The following GPC5 variants were observed in gnomAD, a reference collection of about 807,000 sequenced individuals.
GPC5 encodes the protein glypican-5.
A neutral mutation model predicts 53.9 loss-of-function variants in GPC5; 47 were observed. That is an observed-to-expected ratio of 0.87 (90% CI 0.69 to 1.11). The LOEUF (loss-of-function observed/expected upper bound fraction) is 1.11, where lower values mean the gene tolerates loss of function less well. GPC5 is among the 50% of genes most tolerant of loss of function. The pLI is 0.00. For missense variants in GPC5, 748 were observed against 713.1 expected (o/e 1.05, Z -0.56); for synonymous variants, 286 against 263.3 (o/e 1.09, Z -0.84).
intron 5 of GPC5, among the ~76,000 whole-genome samples, chr13:91,854,579 T>C (rs1417558472): frequency 1.3e-5 from 2 of 151,686 alleles, no homozygotes; most frequent in African/African-American, 4.8e-5. Flanking sequence ...CTAGTAACTA[T>C]CCTTCTATTC....
chr13:91,822,680 A>G (rs1164357984), intron 5 of GPC5, among the ~76,000 whole-genome samples: 2 of 152,050 alleles, frequency 1.3e-5, no homozygotes, highest in Admixed American at 6.5e-5. Context: ...CTCCCATGAC[A>G]CGTGGGGATT....
At chr13:92,525,600 A>G (rs1457676123) in intron 7 of GPC5, among the ~76,000 whole-genome samples, 22 of 151,994 alleles carry the variant, frequency 1.4e-4, no homozygotes, top group Admixed American at 1.4e-3. Context: ...CCTGGTTGAA[A>G]TCATAATAGA....
chr13:92,192,232 T>C (rs1369054475), intron 7 of GPC5, among the ~76,000 whole-genome samples: 1 of 152,166 alleles, frequency 6.6e-6, no homozygotes, highest in Non-Finnish European at 1.5e-5. Context: ...TGTCAATTGA[T>C]ACTTTGGATG....
chr13:91,645,322 C>A (rs1469217545), intron 2 of GPC5, among the ~76,000 whole-genome samples: 1 of 152,108 alleles, frequency 6.6e-6, no homozygotes, highest in Admixed American at 6.5e-5. Flanking sequence ...CCCGATTTTA[C>A]CTTTGAATTT....
chr13:92,000,258 A>G (rs565811503), intron 6 of GPC5, among the ~76,000 whole-genome samples: 2 of 124,642 alleles, frequency 1.6e-5, no homozygotes, highest in Non-Finnish European at 3.7e-5. Context: ...CATGGTGTGC[A>G]TATTTTTTTT....
intron 7 of GPC5, among the ~76,000 whole-genome samples, chr13:92,646,697 T>C (rs1399743497): frequency 2.0e-5 from 3 of 152,086 alleles, no homozygotes; most frequent in Admixed American, 1.3e-4. Flanking sequence ...TTGACTTTTT[T>C]ATCAATGATT....
intron 2 of GPC5, among the ~76,000 whole-genome samples, chr13:91,539,669 G>T (rs1259411108): frequency 1.3e-5 from 2 of 152,058 alleles, no homozygotes; most frequent in Non-Finnish European, 2.9e-5. Context: ...AAGAAGGTGG[G>T]CCTAGAGGAT....
intron 7 of GPC5, among the ~76,000 whole-genome samples, chr13:92,460,424 C>T (rs1213860530): frequency 1.3e-5 from 2 of 152,040 alleles, no homozygotes; most frequent in Admixed American, 6.6e-5. Flanking sequence ...TCCTTTCTTA[C>T]TTTCTTTTTT....
chr13:92,586,686 G>A, intron 7 of GPC5, among the ~76,000 whole-genome samples: 1 of 152,152 alleles, frequency 6.6e-6, no homozygotes, highest in East Asian at 1.9e-4. Context: ...GTGCCAAATA[G>A]ATGGTTGTGA....
At chr13:92,680,542 A>G (rs1360902499) in intron 7 of GPC5, among the ~76,000 whole-genome samples, 6 of 152,218 alleles carry the variant, frequency 3.9e-5, no homozygotes, top group Non-Finnish European at 8.8e-5. Context: ...ATTGCTCTAA[A>G]GACAAAGGAA....
chr13:92,660,621 C>G (rs1284866854), intron 7 of GPC5, among the ~76,000 whole-genome samples: 2 of 151,856 alleles, frequency 1.3e-5, no homozygotes, highest in African/African-American at 4.8e-5. Context: ...TCTTCCCTCT[C>G]TTCCACGTAA....
At chr13:91,948,338 A>C (rs2039994724) in intron 6 of GPC5, among the ~76,000 whole-genome samples, 1 of 152,016 alleles carries the variant, frequency 6.6e-6, no homozygotes, top group African/African-American at 2.4e-5. Context: ...AGCAAAAGTG[A>C]AATTTGAAAA....
intron 7 of GPC5, among the ~76,000 whole-genome samples, chr13:92,323,079 T>G (rs1379224566): frequency 1.3e-5 from 2 of 151,428 alleles, no homozygotes; most frequent in Non-Finnish European, 2.9e-5. Context: ...TATATACTGA[T>G]TTCTTAATAA....
At chr13:91,606,987 C>T (rs1454345983) in intron 2 of GPC5, among the ~76,000 whole-genome samples, 1 of 151,078 alleles carries the variant, frequency 6.6e-6, no homozygotes, top group South Asian at 2.1e-4. Context: ...TTATTTCTTG[C>T]CTTCTGCTAG....
intron 7 of GPC5, among the ~76,000 whole-genome samples, chr13:92,798,801 A>C (rs1328923188): frequency 6.6e-6 from 1 of 151,870 alleles, no homozygotes; most frequent in Non-Finnish European, 1.5e-5. Flanking sequence ...CAAAAATACC[A>C]AACACTCAAA....
intron 7 of GPC5, among the ~76,000 whole-genome samples, chr13:92,591,640 A>G (rs906307573): frequency 6.6e-6 from 1 of 152,154 alleles, no homozygotes; most frequent in Admixed American, 6.5e-5. Context: ...CAAGAATTCT[A>G]TATATCATCA....
At chr13:92,717,225 T>A (rs1888362655) in intron 7 of GPC5, among the ~76,000 whole-genome samples, 2 of 152,116 alleles carry the variant, frequency 1.3e-5, no homozygotes, top group Admixed American at 6.6e-5. Flanking sequence ...AGAGATGGTA[T>A]CAATGTGTTA....
chr13:92,485,969 A>G (rs184963446), intron 7 of GPC5, among the ~76,000 whole-genome samples: 1 of 152,354 alleles, frequency 6.6e-6, no homozygotes, highest in Non-Finnish European at 1.5e-5. Context: ...TCTGTCTCAA[A>G]GAAAAGAAAA....
At chr13:91,786,640 T>A (rs1177354162) in intron 5 of GPC5, among the ~76,000 whole-genome samples, 2 of 152,222 alleles carry the variant, frequency 1.3e-5, no homozygotes, top group African/African-American at 4.8e-5. Flanking sequence ...CCAATGGTCA[T>A]AAATATTTCT....
Sources: allele counts gnomAD v4.1 joint callset (sites outside exome capture counted in the v4.1 genomes callset), GRCh38; gene constraint gnomAD v4.1.1; transcripts MANE v1.5; gene names NCBI Gene and HGNC (gene_info 2026-07-23, HGNC 2026-07-21).